The following ANKMY2 variants were observed in gnomAD, a reference collection of about 807,000 sequenced individuals.
The protein encoded by ANKMY2 is ankyrin repeat and MYND domain containing 2, also known as ankyrin repeat and MYND domain-containing protein 2.
A neutral mutation model predicts 50.4 loss-of-function variants in ANKMY2; 36 were observed. The ratio of observed to expected loss-of-function variants is 0.71; its 90% confidence interval spans 0.55 to 0.94. The LOEUF (loss-of-function observed/expected upper bound fraction) is 0.94. ANKMY2 is among the 40% of genes least tolerant of loss of function. The pLI is 0.00. For missense variants in ANKMY2, 565 were observed against 524.0 expected (o/e 1.08, Z -0.76); for synonymous variants, 187 against 178.8 (o/e 1.05, Z -0.36).
At chr7:16,622,775 AATAAATAAAT>A (rs1288769322) in intron 4 of ANKMY2, among the ~76,000 whole-genome samples, 9 of 103,142 alleles carry the variant, frequency 8.7e-5, no homozygotes, top group African/African-American at 2.4e-4. Context: ...TAAATAAATA[AATAAATAAAT>A]AAAAATAAAA....
intron 1 of ANKMY2, among the ~76,000 whole-genome samples, chr7:16,641,889 C>A (rs774147272): frequency 6.6e-6 from 1 of 152,102 alleles, no homozygotes; most frequent in African/African-American, 2.4e-5. Context: ...TGGTTGCCTG[C>A]AGATGGGGGT....
At chr7:16,640,508 G>A (rs1156514913) in intron 1 of ANKMY2, among the ~76,000 whole-genome samples, 2 of 151,978 alleles carry the variant, frequency 1.3e-5, no homozygotes, top group African/African-American at 2.4e-5. Flanking sequence ...GATTTCAATC[G>A]TTATTCATTA....
intron 2 of ANKMY2, among the ~76,000 whole-genome samples, 181 bp downstream of exon 2, chr7:16,636,210 G>A (rs905973499): frequency 4.8e-5 from 7 of 145,536 alleles, no homozygotes; most frequent in African/African-American, 1.8e-4. Context: ...GGCTGAGGCA[G>A]GAGAATCACT....
intron 4 of ANKMY2, among the ~76,000 whole-genome samples, chr7:16,622,061 G>A (rs1781443470): frequency 6.6e-6 from 1 of 151,664 alleles, no homozygotes. Context: ...GGAAGAAGAA[G>A]AAGAGGAAGA....
chr7:16,645,376 C>T, intron 1 of ANKMY2, 131 bp downstream of exon 1: 2 of 893,190 alleles, frequency 2.2e-6, no homozygotes, highest in Non-Finnish European at 3.3e-6. Context: ...GAGAAACGCT[C>T]TTTCCCGGTT....
At chr7:16,645,455 C>T in intron 1 of ANKMY2, 52 bp downstream of exon 1, 7 of 1,550,388 alleles carry the variant, frequency 4.5e-6, no homozygotes, top group Non-Finnish European at 6.1e-6. Context: ...CGGGCTCCGC[C>T]ACGCCCCCCG....
At chr7:16,626,998 G>T in intron 3 of ANKMY2, 42 bp downstream of exon 3, 1 of 1,490,994 alleles carries the variant, frequency 6.7e-7, no homozygotes, top group East Asian at 2.5e-5. Flanking sequence ...CTTATAACAA[G>T]TTTGTATAGG....
chr7:16,631,024 T>G (rs917655113), intron 2 of ANKMY2, among the ~76,000 whole-genome samples: 2 of 152,188 alleles, frequency 1.3e-5, no homozygotes, highest in Non-Finnish European at 2.9e-5. Context: ...GTACTTCTAT[T>G]TGAACATTAA....
chr7:16,626,455 T>C (rs1043447086), intron 3 of ANKMY2, among the ~76,000 whole-genome samples: 6 of 152,194 alleles, frequency 3.9e-5, no homozygotes, highest in Non-Finnish European at 7.3e-5. Flanking sequence ...GAAGTGCTTC[T>C]GGGTTCCAGG....
At chr7:16,617,061 A>G (rs1781365502) in intron 4 of ANKMY2, among the ~76,000 whole-genome samples, 1 of 150,516 alleles carries the variant, frequency 6.6e-6, no homozygotes, top group African/African-American at 2.4e-5. Context: ...AATACTTTTG[A>G]TGAGACATTT....
intron 5 of ANKMY2, 71 bp downstream of exon 5, chr7:16,615,673 G>C: frequency 6.3e-7 from 1 of 1,585,934 alleles, no homozygotes; most frequent in Admixed American, 1.7e-5. Context: ...TTATGATCCT[G>C]TATAATAAAA....
Position 16,600,462 on chromosome 7 carries a change from G to C in ANKMY2, c.*299C>G, listed in dbSNP as rs1781025375. 1 of 214,316 alleles carries C rather than the reference G, an allele frequency of 4.7e-6. No homozygotes were observed. Among genetic ancestry groups the C allele is most frequent in the African/African-American group, 2.3e-5 (1 of 43,862 alleles). The allele number at this position is 214,316 out of a possible 1,614,324, so 13.3% of individuals were successfully genotyped here. The stretch of plus-strand genomic sequence containing the variant: ...AAAGCCTGTATTTTTTCTTTAAGGG[G>C]ATCTATTTTCCTTTGAAACAATTGC... On this transcript the variant is annotated 3_prime_UTR_variant, in exon 10 of 10. Transcript: ENST00000306999.
At chr7:16,614,544 C>T (rs888812186) in intron 5 of ANKMY2, among the ~76,000 whole-genome samples, 3 of 152,130 alleles carry the variant, frequency 2.0e-5, no homozygotes, top group Non-Finnish European at 4.4e-5. Context: ...GTTTCTCAAC[C>T]TTCAAGTACT....
intron 2 of ANKMY2, 76 bp downstream of exon 2, chr7:16,636,315 A>G (rs569032092): frequency 1.2e-6 from 1 of 820,404 alleles, no homozygotes; most frequent in South Asian, 2.1e-5. Flanking sequence ...AAAAAAAAAA[A>G]AAAAAAAAAA....
At chr7:16,615,619 A>T (rs749926501) in intron 5 of ANKMY2, 125 bp downstream of exon 5, 24 of 1,160,426 alleles carry the variant, frequency 2.1e-5, no homozygotes, top group Non-Finnish European at 2.9e-5. Flanking sequence ...AGGCCAAAAG[A>T]GCCCACTGCA....
At chr7:16,635,665 A>G (rs1214971753) in intron 2 of ANKMY2, among the ~76,000 whole-genome samples, 1 of 152,202 alleles carries the variant, frequency 6.6e-6, no homozygotes, top group African/African-American at 2.4e-5. Flanking sequence ...TCCAAAACTT[A>G]TTTTAGAAGC....
At chr7:16,623,417 T>C (rs1022007288) in intron 4 of ANKMY2, among the ~76,000 whole-genome samples, 3 of 152,210 alleles carry the variant, frequency 2.0e-5, no homozygotes, top group Non-Finnish European at 4.4e-5. Context: ...ATTGTGTTAA[T>C]GCCTGAAAGA....
Position 16,624,914 on chromosome 7 carries a change from A to G in ANKMY2, c.370+69T>C, listed in dbSNP as rs1781488976. ...TGATAATATTTTCACCATGAGAAGCAAAGTGGGTTTTTTTTCCACAAGGGA... is the reference window on the plus strand; with the variant it reads ...TGATAATATTTTCACCATGAGAAGCGAAGTGGGTTTTTTTTCCACAAGGGA... On this transcript the variant is annotated intron_variant, in intron 4 of 9. Transcript: ENST00000306999. 3.0e-6 allele frequency: 4 copies of G among 1,335,612 alleles called. No homozygotes were observed. The Admixed American group carries it at 7.2e-5, about 24-fold the overall frequency. 82.7% of individuals were successfully genotyped at this position (1,335,612 alleles called of 1,614,324 possible). A position where few individuals can be genotyped will look rare whatever the true frequency, so the allele number is the denominator to read the frequency against.
chr7:16,639,192 C>G (rs891862064), intron 1 of ANKMY2, among the ~76,000 whole-genome samples: 1 of 152,200 alleles, frequency 6.6e-6, no homozygotes, highest in Non-Finnish European at 1.5e-5. Flanking sequence ...ACACATGGCT[C>G]ACACAGAAGG....
Sources: gnomAD v4.1 joint callset for allele counts (sites outside exome capture counted in the v4.1 genomes callset) on GRCh38, gnomAD v4.1.1 for gene constraint, MANE v1.5 for transcripts, NCBI Gene and HGNC (gene_info 2026-07-23, HGNC 2026-07-21) for gene names.